Variants in STARD13 observed in about 807,000 individuals in gnomAD.
The protein encoded by STARD13 is StAR related lipid transfer domain containing 13.
Under a neutral mutation model 106.4 loss-of-function variants are expected in STARD13, and 62 were observed. The ratio of observed to expected loss-of-function variants is 0.58; its 90% CI spans 0.48 to 0.72. The LOEUF (loss-of-function observed/expected upper bound fraction) is 0.72. STARD13 is among the 30% of genes least tolerant of loss of function. The pLI is 0.00. For synonymous variants in STARD13, 565 were observed against 553.0 expected, an observed-to-expected ratio of 1.02 and a Z score of -0.31; for missense variants, 1,387 against 1,424.0, an observed-to-expected ratio of 0.97 and a Z score of 0.42.
intron 1 of STARD13, among the ~76,000 whole-genome samples, chr13:33,275,207 T>C (rs1329183902): frequency 6.6e-6 from 1 of 152,228 alleles, no homozygotes; most frequent in Non-Finnish European, 1.5e-5. Context: ...AAAACCTCTT[T>C]TGTTTCAAAT....
the STARD13 span, among the ~76,000 whole-genome samples, chr13:33,359,825 A>G: frequency 1.3e-5 from 2 of 152,228 alleles, no homozygotes; most frequent in African/African-American, 4.8e-5. Flanking sequence ...TATTATGATC[A>G]GTATAGAAAT....
chr13:33,240,885 G>C (rs957188403), intron 1 of STARD13, among the ~76,000 whole-genome samples: 1 of 152,094 alleles, frequency 6.6e-6, no homozygotes, highest in Admixed American at 6.5e-5. Flanking sequence ...TTCATGTATA[G>C]CAATGCAACT....
At chr13:33,288,578 C>T (rs1208521982), upstream of STARD13, among the ~76,000 whole-genome samples, 2 of 149,934 alleles carry the variant, frequency 1.3e-5, no homozygotes, top group Non-Finnish European at 3.0e-5. Context: ...CTTGGCCCTA[C>T]ATTTTTTTTT....
chr13:33,263,950 A>T (rs1484903500), intron 1 of STARD13, among the ~76,000 whole-genome samples: 1 of 152,224 alleles, frequency 6.6e-6, no homozygotes, highest in Non-Finnish European at 1.5e-5. Context: ...ATACAGAAAA[A>T]GTGAAGAGGC....
the STARD13 span, among the ~76,000 whole-genome samples, chr13:33,370,622 T>C: frequency 2.0e-3 from 284 of 145,572 alleles, no homozygotes; most frequent in African/African-American, 7.0e-3. Context: ...TTTCTTTCTT[T>C]TTTTTTTTTT....
the STARD13 span, among the ~76,000 whole-genome samples, chr13:33,556,515 C>G: frequency 1.3e-5 from 2 of 152,126 alleles, no homozygotes; most frequent in East Asian, 3.9e-4. Flanking sequence ...CTCCTGGCCT[C>G]AAGTGACCCT....
At chr13:33,536,710 T>C in the STARD13 span, among the ~76,000 whole-genome samples, 1 of 152,212 alleles carries the variant, frequency 6.6e-6, no homozygotes, top group Non-Finnish European at 1.5e-5. Flanking sequence ...CACTCAACTG[T>C]AAAACCACCT....
chr13:33,496,315 TCA>T, the STARD13 span, among the ~76,000 whole-genome samples: 3 of 150,300 alleles, frequency 2.0e-5, no homozygotes, highest in Admixed American at 6.6e-5. Context: ...AAAAATAAAC[TCA>T]GTTTATTTTA....
At chr13:33,377,575 A>C in the STARD13 span, among the ~76,000 whole-genome samples, 1 of 151,956 alleles carries the variant, frequency 6.6e-6, no homozygotes, top group Non-Finnish European at 1.5e-5. Flanking sequence ...AGAGCATTTA[A>C]ATTATTCTCC....
the STARD13 span, among the ~76,000 whole-genome samples, chr13:33,598,049 T>C: frequency 6.6e-6 from 1 of 152,204 alleles, no homozygotes; most frequent in Non-Finnish European, 1.5e-5. Context: ...TCATGTCATC[T>C]TTGCCACCTG....
At chr13:33,405,382 G>A in the STARD13 span, among the ~76,000 whole-genome samples, 2 of 152,234 alleles carry the variant, frequency 1.3e-5, no homozygotes, top group Non-Finnish European at 2.9e-5. Flanking sequence ...TCACTTGTGG[G>A]TGCTCACACA....
At chr13:33,171,636 A>G (rs1050452064) in intron 1 of STARD13, among the ~76,000 whole-genome samples, 1 of 152,190 alleles carries the variant, frequency 6.6e-6, no homozygotes, top group African/African-American at 2.4e-5. Flanking sequence ...GATTCTTAAG[A>G]GCACCCCATC....
chr13:33,638,212 C>T, the STARD13 span, among the ~76,000 whole-genome samples: 1 of 152,128 alleles, frequency 6.6e-6, no homozygotes, highest in African/African-American at 2.4e-5. Context: ...AGGACATGTA[C>T]CCAGGGTAGT....
At chr13:33,340,094 T>G (rs931936357) in intron 1 of STARD13, among the ~76,000 whole-genome samples, 1 of 152,234 alleles carries the variant, frequency 6.6e-6, no homozygotes, top group African/African-American at 2.4e-5. Flanking sequence ...TGTGACAACA[T>G]GTATGCTCCC....
At chr13:33,119,357 T>G (rs1257957116) in intron 7 of STARD13, among the ~76,000 whole-genome samples, 1 of 152,224 alleles carries the variant, frequency 6.6e-6, no homozygotes, top group African/African-American at 2.4e-5. Flanking sequence ...AGAACCTTCC[T>G]GAGTGGCTGG....
In STARD13 at chr13:33,274,293, G is replaced by T. The variant is rs114107582; in HGVS notation, c.169+11177C>A. 3.3e-5 allele frequency among the ~76,000 whole-genome samples: 5 copies of T among 151,996 alleles called. No individual in the cohort carries two copies. In the East Asian group the frequency reaches 9.6e-4, roughly 29 times the overall value. Reference sequence around the variant, plus strand: ...ATATGGATGGGCCCCAATCCAATACGACTGGTGTCTTTACAAGAGGAGATT... The same window carrying T: ...ATATGGATGGGCCCCAATCCAATACTACTGGTGTCTTTACAAGAGGAGATT... On this transcript the variant is annotated intron_variant, in intron 1 of 13. Transcript: ENST00000336934.
At chr13:33,661,989 G>T in the STARD13 span, among the ~76,000 whole-genome samples, 1 of 151,954 alleles carries the variant, frequency 6.6e-6, no homozygotes, top group South Asian at 2.1e-4. Flanking sequence ...TTGGCTGGTC[G>T]CGGTGGCTCA....
the STARD13 span, among the ~76,000 whole-genome samples, chr13:33,616,314 A>G: frequency 6.6e-6 from 1 of 152,090 alleles, no homozygotes; most frequent in Non-Finnish European, 1.5e-5. Context: ...AAGAAAGAAA[A>G]GAAGAAAGAC....
chr13:33,126,471 T>C (rs1188273797), intron 6 of STARD13, among the ~76,000 whole-genome samples: 1 of 152,236 alleles, frequency 6.6e-6, no homozygotes, highest in Non-Finnish European at 1.5e-5. Context: ...CAGAATGTAT[T>C]TGTAGCTCTG....
Sources: gnomAD v4.1 joint callset for allele counts (sites outside exome capture counted in the v4.1 genomes callset) on GRCh38, gnomAD v4.1.1 for gene constraint, MANE v1.5 for transcripts, NCBI Gene and HGNC (gene_info 2026-07-23, HGNC 2026-07-21) for gene names.